SOX6: variants seen among roughly 807,000 people sequenced by gnomAD.
SOX6 encodes SRY-box transcription factor 6, also known as transcription factor SOX-6.
SOX6 carries 11 observed loss-of-function variants against 97.8 expected under a neutral mutation model. That is an observed-to-expected ratio of 0.11 (90% CI 0.07 to 0.19). The LOEUF (loss-of-function observed/expected upper bound fraction) is 0.19. Ranked by LOEUF, SOX6 falls within the 10% of genes least tolerant of loss-of-function variation. SOX6 has a pLI of 1.00. For synonymous variants in SOX6, 360 were observed against 371.4 expected (o/e 0.97, Z 0.35); for missense variants, 810 against 1,039.5 (o/e 0.78, Z 3.04).
chr11:16,499,738 C>T (rs976225042), intron 4 of SOX6, among the ~76,000 whole-genome samples: 2 of 152,160 alleles, frequency 1.3e-5, no homozygotes, highest in African/African-American at 4.8e-5. Flanking sequence ...TCGACACATA[C>T]ACCCTCCCAA....
intron 4 of SOX6, among the ~76,000 whole-genome samples, chr11:16,214,821 C>T (rs142343142): frequency 0.015 from 2,277 of 149,746 alleles, 66 homozygotes; most frequent in African/African-American, 0.054. Context: ...ACCATCTCGG[C>T]TCACTGCAAC....
At chr11:16,483,204 G>A (rs1321115520) in intron 4 of SOX6, among the ~76,000 whole-genome samples, 1 of 152,140 alleles carries the variant, frequency 6.6e-6, no homozygotes, top group Admixed American at 6.5e-5. Flanking sequence ...ATACAAATAA[G>A]AGGCAATTAT....
intron 4 of SOX6, among the ~76,000 whole-genome samples, chr11:16,500,906 T>C (rs1400521400): frequency 1.3e-5 from 2 of 152,148 alleles, no homozygotes; most frequent in African/African-American, 4.8e-5. Flanking sequence ...ATAGATTCAA[T>C]GCTATCCCCA....
At position 16,155,042 on chromosome 11, in the gene SOX6, T is replaced by C. The variant is rs928081754; in HGVS notation, c.777+28844A>G. 4.6e-5 allele frequency among the ~76,000 whole-genome samples: 7 copies of C among 151,048 alleles called. No individual in the cohort carries two copies. The East Asian group carries it at 6.0e-4, about 13-fold the overall frequency. ...CTTAACTGTGGAGTGTGGGTCAGAC[T>C]GATTGTCAGAAAAAAAAAAAAAGTT... On this transcript the variant is annotated intron_variant, in intron 6 of 15. Transcript: ENST00000683767.
At chr11:15,974,179 A>G (rs902699419) in intron 15 of SOX6, among the ~76,000 whole-genome samples, 2 of 152,130 alleles carry the variant, frequency 1.3e-5, no homozygotes, top group African/African-American at 2.4e-5. Context: ...AGCCGGGGTC[A>G]GGGAAGTTCT....
intron 4 of SOX6, among the ~76,000 whole-genome samples, chr11:16,223,643 G>T (rs914023845): frequency 6.6e-6 from 1 of 152,036 alleles, no homozygotes; most frequent in Non-Finnish European, 1.5e-5. Context: ...TACTTTAATA[G>T]AGAAAGGTTC....
intron 9 of SOX6, among the ~76,000 whole-genome samples, chr11:16,059,438 G>A (rs1282103624): frequency 6.6e-6 from 1 of 151,836 alleles, no homozygotes; most frequent in Non-Finnish European, 1.5e-5. Flanking sequence ...TTTGCCATAT[G>A]AGTAGGGGAG....
Position 16,278,640 on chromosome 11 carries a change from A to T in SOX6, c.445+39806T>A, listed in dbSNP as rs190708832. On this transcript the variant is annotated intron_variant, in intron 3 of 15. Transcript: ENST00000683767. ...ATAACATCAAGTTTAGAGCTTGATT[A>T]AAAAAAAAAGAAAGAAATTAGATAG... Among the ~76,000 whole-genome samples the T allele has an allele frequency of 3.5e-3, 522 of 148,996 alleles. 6 individuals are homozygous for T. The highest frequency in any genetic ancestry group is 0.011 in the African/African-American group (442 of 40,814).
At chr11:16,400,940 C>A (rs1341037425) in intron 1 of SOX6, among the ~76,000 whole-genome samples, 1 of 151,504 alleles carries the variant, frequency 6.6e-6, no homozygotes, top group Non-Finnish European at 1.5e-5. Context: ...CAAAAACAAA[C>A]CATGGCCTTT....
intron 3 of SOX6, among the ~76,000 whole-genome samples, chr11:16,273,960 T>C (rs1271969018): frequency 6.6e-6 from 1 of 152,072 alleles, no homozygotes; most frequent in Non-Finnish European, 1.5e-5. Flanking sequence ...AAAAAGAATG[T>C]AAATGTTATA....
At chr11:16,073,484 T>A (rs1157827399) in intron 9 of SOX6, among the ~76,000 whole-genome samples, 1 of 151,898 alleles carries the variant, frequency 6.6e-6, no homozygotes, top group East Asian at 1.9e-4. Flanking sequence ...AGTTAGAGAA[T>A]CATACAAACA....
At chr11:16,539,457 T>C (rs1210050098) in intron 4 of SOX6, among the ~76,000 whole-genome samples, 2 of 151,694 alleles carry the variant, frequency 1.3e-5, no homozygotes, top group Admixed American at 6.6e-5. Flanking sequence ...GAAGCAAAGA[T>C]ATAACTAAGA....
chr11:16,490,336 T>C (rs1368896255), intron 4 of SOX6, among the ~76,000 whole-genome samples: 2 of 152,068 alleles, frequency 1.3e-5, no homozygotes, highest in African/African-American at 4.8e-5. Context: ...TGGAGATATC[T>C]AAATAGCTCT....
intron 4 of SOX6, among the ~76,000 whole-genome samples, chr11:16,599,215 A>G (rs1848242459): frequency 6.6e-6 from 1 of 152,162 alleles, no homozygotes; most frequent in Admixed American, 6.5e-5. Context: ...GGCTTTATAG[A>G]CCATGGGAGC....
intron 3 of SOX6, among the ~76,000 whole-genome samples, chr11:16,285,487 T>G (rs536407992): frequency 6.6e-6 from 1 of 152,142 alleles, no homozygotes; most frequent in East Asian, 1.9e-4. Flanking sequence ...TGAGTCGAGA[T>G]CGCACCATTG....
At chr11:16,014,021 A>G (rs1564907619) in intron 13 of SOX6, among the ~76,000 whole-genome samples, 1 of 152,062 alleles carries the variant, frequency 6.6e-6, no homozygotes, top group Non-Finnish European at 1.5e-5. Flanking sequence ...TGGGTGAAGT[A>G]TCATGTTACT....
intron 3 of SOX6, among the ~76,000 whole-genome samples, chr11:16,690,812 T>C (rs1848007620): frequency 1.3e-5 from 2 of 152,350 alleles, no homozygotes; most frequent in Middle Eastern, 3.4e-3. Flanking sequence ...TTGGTTGTTA[T>C]ATGTCAAGTA....
intron 4 of SOX6, among the ~76,000 whole-genome samples, chr11:16,188,005 T>C (rs746324608): frequency 2.6e-5 from 4 of 152,146 alleles, no homozygotes; most frequent in Non-Finnish European, 5.9e-5. Context: ...TCCAACCTCC[T>C]TATGAAACCC....
intron 1 of SOX6, among the ~76,000 whole-genome samples, chr11:16,408,351 T>A (rs536882458): frequency 3.9e-5 from 6 of 152,142 alleles, no homozygotes; most frequent in African/African-American, 1.4e-4. Context: ...GAAAGGACCA[T>A]AAAGAACAAA....
Sources: gnomAD v4.1 joint callset for allele counts (sites outside exome capture counted in the v4.1 genomes callset) on GRCh38, gnomAD v4.1.1 for gene constraint, MANE v1.5 for transcripts, NCBI Gene and HGNC (gene_info 2026-07-23, HGNC 2026-07-21) for gene names.